The following RSPRY1 variants were observed in gnomAD, a reference collection of about 807,000 sequenced individuals.
The protein encoded by RSPRY1 is RING finger and SPRY domain-containing protein 1.
A neutral mutation model predicts 73.1 loss-of-function variants in RSPRY1; 23 were observed. The observed-to-expected ratio is 0.31, with a 90% confidence interval of 0.23 to 0.45. The LOEUF (loss-of-function observed/expected upper bound fraction) is 0.45, where lower values mean the gene tolerates loss of function less well. RSPRY1 is among the 20% of genes least tolerant of loss of function. The pLI is 1.00. For missense variants in RSPRY1, 448 were observed against 698.7 expected, an observed-to-expected ratio of 0.64 and a Z score of 4.05; for synonymous variants, 226 against 251.4, an observed-to-expected ratio of 0.90 and a Z score of 0.95.
At chr16:57,195,664 CTT>C (rs201029140) in intron 1 of RSPRY1, among the ~76,000 whole-genome samples, 18 of 143,036 alleles carry the variant, frequency 1.3e-4, no homozygotes, top group Admixed American at 1.4e-4. Flanking sequence ...GTGTGACTAG[CTT>C]TTTTTTTTTT....
Position 57,221,313 on chromosome 16 carries a change from C to A in RSPRY1, c.1059C>A (p.Thr353=), listed in dbSNP as rs2075031885. 1.2e-6 allele frequency: 2 copies of A among 1,613,864 alleles called. No homozygotes were observed. The highest frequency in any genetic ancestry group is 3.3e-5 in the Admixed American group (2 of 59,984). The change falls in exon 10 of 15, where the codon ACC becomes ACA. Residue 353 remains threonine (T), a synonymous_variant. Transcript: ENST00000394420. The stretch of plus-strand genomic sequence containing the variant: ...CCTCTTTTGAAAGTGTGCGTTGCAC[C>A]TTTTGTGTGGATGCCGGGGTATGGT... ...DASSFESVRC[T]FCVDAGVWYY...
Position 57,239,389 on chromosome 16 carries a change from G to A in RSPRY1, c.*414G>A, listed in dbSNP as rs2075347180. 6.5e-6 allele frequency: 1 copy of A among 152,724 alleles called. No individual in the cohort carries two copies. The highest frequency in any genetic ancestry group is 1.5e-5 in the Non-Finnish European group (1 of 68,418). The allele number at this position is 152,724 out of a possible 1,614,324, so 9.5% of individuals were successfully genotyped here. ...GGAGATGTAAATGACAGCGTTTCTGGGTTATGCATAACTTCTCACTGGTCA... is the reference window on the plus strand; with the variant it reads ...GGAGATGTAAATGACAGCGTTTCTGAGTTATGCATAACTTCTCACTGGTCA... On this transcript the variant is annotated 3_prime_UTR_variant, in exon 15 of 15. Transcript: ENST00000394420.
chr16:57,212,173 C>G (rs1277414694), intron 4 of RSPRY1, among the ~76,000 whole-genome samples: 1 of 152,058 alleles, frequency 6.6e-6, no homozygotes, highest in Non-Finnish European at 1.5e-5. Context: ...TATCTGGGCA[C>G]TGTGACATGT....
intron 1 of RSPRY1, among the ~76,000 whole-genome samples, chr16:57,202,887 TATATATATA>T (rs2074650048): frequency 1.6e-5 from 1 of 61,752 alleles, no homozygotes; most frequent in Admixed American, 1.5e-4. Flanking sequence ...ATTATATATA[TATATATATA>T]TATATATATA....
intron 4 of RSPRY1, among the ~76,000 whole-genome samples, chr16:57,210,141 C>T (rs1467157383): frequency 6.7e-6 from 1 of 148,618 alleles, no homozygotes; most frequent in East Asian, 2.1e-4. Context: ...TGCAGTGGCA[C>T]AGTCATGGCT....
intron 1 of RSPRY1, among the ~76,000 whole-genome samples, chr16:57,200,600 TA>T (rs1228263511): frequency 7.5e-6 from 1 of 132,480 alleles, no homozygotes; most frequent in Non-Finnish European, 1.6e-5. Context: ...CTCTTCCCAG[TA>T]GGGGCGGCCG....
chr16:57,225,119 C>T (rs1189476548), intron 10 of RSPRY1, among the ~76,000 whole-genome samples: 8 of 152,222 alleles, frequency 5.3e-5, no homozygotes, highest in African/African-American at 1.9e-4. Context: ...GGTGCAGTGG[C>T]ACGTGATCTC....
rs934968237 is a variant in RSPRY1 at position 57,197,965 on chromosome 16, A to G, written c.-155-6539A>G. On this transcript the variant is annotated intron_variant, in intron 1 of 14. Transcript: ENST00000394420. Reference sequence around the variant, plus strand: ...GGTCTCAGCCTCCTGGGCTCAAGCAATCCTCCCAACTCAGCCTCCCAAAGT... The same window carrying G: ...GGTCTCAGCCTCCTGGGCTCAAGCAGTCCTCCCAACTCAGCCTCCCAAAGT... Among the ~76,000 whole-genome samples, 26 of 128,224 alleles carry G rather than the reference A, an allele frequency of 2.0e-4. No individual in the cohort carries two copies. In the East Asian group the frequency reaches 3.2e-3, roughly 16 times the overall value. The allele number at this position is 128,224 out of a possible 152,430, so 84.1% of individuals were successfully genotyped here.
intron 3 of RSPRY1, among the ~76,000 whole-genome samples, chr16:57,208,577 T>C (rs1215812803): frequency 6.6e-6 from 1 of 151,652 alleles, no homozygotes; most frequent in Non-Finnish European, 1.5e-5. Flanking sequence ...TTTTCTGTTG[T>C]TTGTAGAGAC....
intron 12 of RSPRY1, 147 bp downstream of exon 12, chr16:57,230,960 C>G: frequency 1.4e-6 from 1 of 706,488 alleles, no homozygotes; most frequent in South Asian, 1.9e-5. Flanking sequence ...TTGATCAGAC[C>G]TAAAACTATC....
intron 1 of RSPRY1, among the ~76,000 whole-genome samples, chr16:57,201,499 TCA>T (rs1471267370): frequency 6.3e-4 from 88 of 139,700 alleles, no homozygotes; most frequent in African/African-American, 2.4e-3. Context: ...GAGAGGCTCC[TCA>T]CATCCCAGAC....
At position 57,227,472 on chromosome 16, in the gene RSPRY1, A is replaced by T. The variant is rs377179551; in HGVS notation, c.1273+19A>T. The T allele has an allele frequency of 1.1e-5, 17 of 1,557,284 alleles. No homozygotes were observed. The Admixed American group carries it at 2.8e-4, about 26-fold the overall frequency. On this transcript the variant is annotated intron_variant, in intron 11 of 14. Transcript: ENST00000394420. ...AAAGAAGGTATTCATTCCCTCCATT[A>T]TAAATTTATCAAGTGGGTTAAGACA...
intron 10 of RSPRY1, among the ~76,000 whole-genome samples, chr16:57,226,184 C>G (rs2075118299): frequency 3.3e-5 from 5 of 152,178 alleles, no homozygotes; most frequent in African/African-American, 1.2e-4. Flanking sequence ...TCTCTTATCT[C>G]CAGTTTTGAA....
chr16:57,230,300 C>T (rs2075195446), intron 11 of RSPRY1, among the ~76,000 whole-genome samples: 1 of 152,222 alleles, frequency 6.6e-6, no homozygotes, highest in African/African-American at 2.4e-5. Context: ...GCGTGAGCCA[C>T]CTCGCCCAGC....
chr16:57,227,503 T>C, intron 11 of RSPRY1, 50 bp downstream of exon 11: 1 of 1,275,038 alleles, frequency 7.8e-7, no homozygotes, highest in Non-Finnish European at 1.1e-6. Context: ...AGACATCTGG[T>C]TATTATGAGG....
intron 10 of RSPRY1, among the ~76,000 whole-genome samples, chr16:57,224,826 T>C (rs2075095475): frequency 6.6e-6 from 1 of 152,248 alleles, no homozygotes; most frequent in South Asian, 2.1e-4. Flanking sequence ...TGGTAAAGAA[T>C]GTGTAATGAG....
intron 8 of RSPRY1, chr16:57,220,054 T>TA (rs2075009786): frequency 1.3e-5 from 2 of 152,276 alleles, no homozygotes; most frequent in Admixed American, 1.3e-4. Context: ...TTGGTTCCTA[T>TA]GACTCCATAG....
intron 13 of RSPRY1, among the ~76,000 whole-genome samples, chr16:57,234,273 A>G (rs1054237514): frequency 6.6e-6 from 1 of 152,014 alleles, no homozygotes; most frequent in South Asian, 2.1e-4. Context: ...CTTTACCTCA[A>G]TATTACCTTA....
chr16:57,202,842 C>T (rs1230945410), intron 1 of RSPRY1, among the ~76,000 whole-genome samples: 4 of 144,620 alleles, frequency 2.8e-5, no homozygotes, highest in Non-Finnish European at 6.1e-5. Context: ...CTTCCCTTTG[C>T]CTCCTCCCTC....
Sources: gnomAD v4.1 joint callset for allele counts (sites outside exome capture counted in the v4.1 genomes callset) on GRCh38, gnomAD v4.1.1 for gene constraint, MANE v1.5 for transcripts, NCBI Gene and HGNC (gene_info 2026-07-23, HGNC 2026-07-21) for gene names.